RRN3: variants seen among roughly 807,000 people sequenced by gnomAD.
The protein encoded by RRN3 is RNA polymerase I transcription factor RRN3, also known as RNA polymerase I-specific transcription initiation factor RRN3.
A neutral mutation model predicts 82.3 loss-of-function variants in RRN3; 38 were observed. The ratio of observed to expected loss-of-function variants is 0.46; its 90% CI spans 0.36 to 0.61. The LOEUF (loss-of-function observed/expected upper bound fraction) is 0.61, where lower values mean the gene tolerates loss of function less well. Among genes scored for constraint, RRN3 ranks in the 20% least tolerant of loss-of-function variants. The pLI is 0.00. For missense variants in RRN3, 726 were observed against 793.1 expected (o/e 0.92, Z 1.02); for synonymous variants, 284 against 284.3 (o/e 1.00, Z 0.01).
intron 12 of RRN3, 38 bp from the exon 13 acceptor site, chr16:15,071,289 T>G: frequency 6.5e-7 from 1 of 1,547,338 alleles, no homozygotes; most frequent in Non-Finnish European, 8.7e-7. Context: ...TCTTTTTTAA[T>G]GCCTAAGATA....
At chr16:15,070,772 C>T (rs954268333) in intron 13 of RRN3, among the ~76,000 whole-genome samples, 1 of 151,852 alleles carries the variant, frequency 6.6e-6, no homozygotes, top group Non-Finnish European at 1.5e-5. Flanking sequence ...AAGGGTTTTT[C>T]TTCAGCTTTA....
intron 3 of RRN3, among the ~76,000 whole-genome samples, chr16:15,089,706 A>C (rs1035064567): frequency 7.1e-6 from 1 of 140,152 alleles, no homozygotes; most frequent in African/African-American, 2.6e-5. Flanking sequence ...AGGCTGAGGC[A>C]GGAGAATCGC....
In RRN3 at chr16:15,086,457, T is replaced by A; in HGVS notation, c.253-3A>T. ...AGCCAGTTGATGATCTGGTCATCCTTAAGTTAAACAAAGAGTACTTTCAAA... is the reference window on the plus strand; with the variant it reads ...AGCCAGTTGATGATCTGGTCATCCTAAAGTTAAACAAAGAGTACTTTCAAA... On this transcript the variant is annotated splice_polypyrimidine_tract_variant and splice_region_variant and intron_variant, in intron 3 of 17. Coordinates refer to ENST00000198767, the MANE Select transcript of RRN3 (RefSeq NM_018427.5). 1 of 1,611,804 alleles carries A rather than the reference T, an allele frequency of 6.2e-7. No homozygotes were observed. The highest frequency in any genetic ancestry group is 8.5e-7 in the Non-Finnish European group (1 of 1,179,336).
chr16:15,067,951 G>A (rs888198364), intron 15 of RRN3, among the ~76,000 whole-genome samples: 8 of 151,518 alleles, frequency 5.3e-5, no homozygotes, highest in East Asian at 1.9e-4. Context: ...GTAGAGATAG[G>A]GTCTCACTAT....
intron 13 of RRN3, among the ~76,000 whole-genome samples, chr16:15,070,837 A>T (rs1597902842): frequency 6.6e-6 from 1 of 152,302 alleles, no homozygotes; most frequent in Non-Finnish European, 1.5e-5. Flanking sequence ...TACAAAAAGA[A>T]TCAAAACAGT....
At chr16:15,086,499 C>T (rs1402219153) in intron 3 of RRN3, 45 bp from the exon 4 acceptor site, 1 of 1,607,782 alleles carries the variant, frequency 6.2e-7, no homozygotes, top group Non-Finnish European at 8.5e-7. Context: ...AATCCTCTAA[C>T]ATAACAGAAA....
intron 14 of RRN3, among the ~76,000 whole-genome samples, chr16:15,068,696 C>T (rs1371303750): frequency 6.6e-6 from 1 of 152,182 alleles, no homozygotes. Flanking sequence ...AAGCTGAGTG[C>T]TGTTTTCAGG....
At position 15,080,076 on chromosome 16, in the gene RRN3, T is replaced by C; in HGVS notation, c.687A>G (p.Leu229=). 6.2e-7 allele frequency: 1 copy of C among 1,600,520 alleles called. No homozygotes were observed. Among genetic ancestry groups the C allele is most frequent in the Non-Finnish European group, 8.5e-7 (1 of 1,173,790 alleles). Residue 229 remains leucine, a synonymous_variant, in exon 9 of 18, where the codon TTA becomes TTG. Transcript: ENST00000198767. ...TTGGAAAATATACACTAATCCTTAG[T>C]AAGTTATGAACGTAACATTCCTAAA... ...ERTLECYVHN[L]LRISVYFPTL... is the part of the protein sequence containing the mutation.
rs2044729818 is a variant in RRN3 at position 15,061,919 on chromosome 16, A to G, written c.1795-14T>C. On this transcript the variant is annotated splice_polypyrimidine_tract_variant and intron_variant, in intron 17 of 17. Transcript: ENST00000198767. ...TTCCACTATGTCCTGCAGAAACATCAGAAATCATCAGTAACATCACCAGTG... is the reference window on the plus strand; with the variant it reads ...TTCCACTATGTCCTGCAGAAACATCGGAAATCATCAGTAACATCACCAGTG... The G allele has an allele frequency of 6.2e-7, 1 of 1,601,902 alleles. No homozygotes were observed. The highest frequency in any genetic ancestry group is 8.6e-7 in the Non-Finnish European group (1 of 1,169,460).
intron 10 of RRN3, among the ~76,000 whole-genome samples, chr16:15,075,878 C>T (rs1293809773): frequency 6.6e-6 from 1 of 152,180 alleles, no homozygotes; most frequent in African/African-American, 2.4e-5. Context: ...TCACAGCCGC[C>T]TACTTTCTCC....
chr16:15,077,168 G>T (rs868224457), intron 9 of RRN3, among the ~76,000 whole-genome samples: 32 of 151,528 alleles, frequency 2.1e-4, no homozygotes, highest in Non-Finnish European at 3.7e-4. Context: ...TAGTAGAGAT[G>T]GGGTTACTCC....
intron 12 of RRN3, among the ~76,000 whole-genome samples, 179 bp from the exon 13 acceptor site, chr16:15,071,430 G>T (rs559349696): frequency 3.9e-5 from 6 of 152,228 alleles, no homozygotes; most frequent in South Asian, 4.2e-4. Context: ...AAGGCACCTC[G>T]GGTGTTAAAT....
chr16:15,062,242 T>C (rs1403162856), intron 17 of RRN3, among the ~76,000 whole-genome samples: 3 of 152,212 alleles, frequency 2.0e-5, no homozygotes, highest in Admixed American at 2.0e-4. Flanking sequence ...TGTAATCATT[T>C]GTTTCAAGTC....
intron 3 of RRN3, among the ~76,000 whole-genome samples, chr16:15,090,073 G>C (rs973573275): frequency 6.6e-6 from 1 of 151,906 alleles, no homozygotes; most frequent in African/African-American, 2.4e-5. Context: ...AACCAGGCAT[G>C]GTGGCGGGTG....
chr16:15,072,952 A>T lies in RRN3; in HGVS notation c.1126T>A (p.Leu376Met). Residue 376 changes from leucine to methionine, a missense_variant and splice_region_variant, in exon 12 of 18, where the codon TTG becomes ATG. By Grantham distance (15) the Leu-to-Met change is conservative. This residue lies in a region of RRN3 where 344 missense variants were observed against 394.5 expected (regional missense o/e 0.87). Coordinates refer to ENST00000198767, the MANE Select transcript of RRN3 (RefSeq NM_018427.5). ...FFMFYLCSFK[L>M]GFAEAFLEHL... is the part of the protein sequence containing the mutation. The stretch of plus-strand genomic sequence containing the variant: ...ATGTTAATCACATTCTTACTCACCA[A>T]TTTGAAACTACAGAGGTAAAACATG... 1 of 1,613,276 alleles carries T rather than the reference A, an allele frequency of 6.2e-7. No individual in the cohort carries two copies.
chr16:15,064,880 C>G (rs2044891640), intron 16 of RRN3, among the ~76,000 whole-genome samples: 1 of 152,216 alleles, frequency 6.6e-6, no homozygotes, highest in South Asian at 2.1e-4. Flanking sequence ...TTAAATCCAC[C>G]TCCTGGCCGG....
rs1261935768 is a variant in RRN3 at position 15,074,830 on chromosome 16, T to C, written c.890A>G (p.Lys297Arg). ...CTGGTCGAGCCGTTCAGGACCAGCCTTTGTTTCATGTTCAGTTTCTTCATC... is the reference window on the plus strand; with the variant it reads ...CTGGTCGAGCCGTTCAGGACCAGCCCTTGTTTCATGTTCAGTTTCTTCATC... ...DEDEETEHETKAGPERLDQMV... is the reference protein window; with the variant it reads ...DEDEETEHETRAGPERLDQMV... Residue 297 changes from lysine to arginine, a missense_variant, in exon 11 of 18, where the codon AAG (lysine) becomes AGG (arginine). Around this residue, in one of 4 missense-constraint regions of RRN3, gnomAD observed 344 missense variants for 394.5 expected, o/e 0.87. Coordinates refer to ENST00000198767, the MANE Select transcript of RRN3 (RefSeq NM_018427.5). The C allele has an allele frequency of 6.2e-7, 1 of 1,612,586 alleles. No homozygotes were observed.
In RRN3 at chr16:15,085,801, A is replaced by C; in HGVS notation, c.473-103T>G. 9 of 1,498,936 alleles carry C rather than the reference A, an allele frequency of 6.0e-6. No homozygotes were observed. The South Asian group carries it at 1.1e-4, about 19-fold the overall frequency. 92.9% of individuals were successfully genotyped at this position (1,498,936 alleles called of 1,614,324 possible). ...CTAGACAATGAACAGCTATAAAAAAAGTTATTTTTCCATAATCCAAAGTTA... is the reference window on the plus strand; with the variant it reads ...CTAGACAATGAACAGCTATAAAAAACGTTATTTTTCCATAATCCAAAGTTA... On this transcript the variant is annotated intron_variant, in intron 5 of 17. Coordinates refer to ENST00000198767, the MANE Select transcript of RRN3 (RefSeq NM_018427.5).
chr16:15,086,678 T>C (rs1043117854), intron 3 of RRN3, among the ~76,000 whole-genome samples: 13 of 152,288 alleles, frequency 8.5e-5, no homozygotes, highest in African/African-American at 2.9e-4. Context: ...GGAGAAAGAC[T>C]TAAATGCAAT....
Sources: gnomAD v4.1 joint callset for allele counts (sites outside exome capture counted in the v4.1 genomes callset) on GRCh38, gnomAD v4.1.1 for gene constraint, gnomAD v4.1.1 regional missense constraint, MANE v1.5 for transcripts, NCBI Gene and HGNC (gene_info 2026-07-23, HGNC 2026-07-21) for gene names.